AK9: variants seen among roughly 807,000 people sequenced by gnomAD.
AK9 encodes adenylate kinase domain containing 1.
AK9 carries 191 observed loss-of-function variants against 239.6 expected under a neutral mutation model. The ratio of observed to expected loss-of-function variants is 0.80; its 90% CI spans 0.71 to 0.90. The LOEUF is 0.90. AK9 is among the 40% of genes least tolerant of loss of function. The pLI is 0.00. For missense variants in AK9, 1,995 were observed against 2,214.7 expected (o/e 0.90, Z 1.99); for synonymous variants, 689 against 721.0 (o/e 0.96, Z 0.71).
At chr6:109,643,962 T>A (rs1350323064) in intron 9 of AK9, among the ~76,000 whole-genome samples, 1 of 152,204 alleles carries the variant, frequency 6.6e-6, no homozygotes, top group Non-Finnish European at 1.5e-5. Flanking sequence ...AGGTTTTGTC[T>A]TTATGCTATG....
intron 5 of AK9, among the ~76,000 whole-genome samples, chr6:109,667,532 C>T (rs1188050353): frequency 6.6e-5 from 10 of 151,946 alleles, no homozygotes; most frequent in Non-Finnish European, 1.5e-4. Context: ...AGCTATATCT[C>T]CTAATCCTTT....
intron 6 of AK9, among the ~76,000 whole-genome samples, chr6:109,662,308 T>C (rs1329556802): frequency 6.6e-6 from 1 of 152,136 alleles, no homozygotes; most frequent in African/African-American, 2.4e-5. Context: ...AAAGAGATGA[T>C]GTATTAACTG....
intron 25 of AK9, among the ~76,000 whole-genome samples, chr6:109,547,769 G>A: frequency 6.7e-6 from 1 of 148,488 alleles, no homozygotes; most frequent in Non-Finnish European, 1.5e-5. Flanking sequence ...TACAGAATAG[G>A]AGATAAGATT....
intron 17 of AK9, among the ~76,000 whole-genome samples, chr6:109,598,511 G>A (rs1341632379): frequency 4.6e-5 from 7 of 152,078 alleles, no homozygotes; most frequent in Non-Finnish European, 8.8e-5. Flanking sequence ...CTTTGCTATT[G>A]TGAATAGTGC....
chr6:109,610,626 C>A, intron 16 of AK9, 113 bp from the exon 17 acceptor site: 2 of 1,127,342 alleles, frequency 1.8e-6, no homozygotes, highest in Non-Finnish European at 2.5e-6. Context: ...ATTTTCATGT[C>A]ACCGCAGCAC....
At chr6:109,594,902 A>C (rs1363154092) in intron 17 of AK9, among the ~76,000 whole-genome samples, 1 of 152,222 alleles carries the variant, frequency 6.6e-6, no homozygotes, top group Non-Finnish European at 1.5e-5. Context: ...AAACCATAAA[A>C]ATTCTAGAAG....
At chr6:109,583,471 T>A (rs115015075) in intron 19 of AK9, among the ~76,000 whole-genome samples, 79 of 152,260 alleles carry the variant, frequency 5.2e-4, no homozygotes, top group African/African-American at 1.8e-3. Flanking sequence ...CTAACCAACC[T>A]ATAAGGCCTT....
intron 29 of AK9, among the ~76,000 whole-genome samples, chr6:109,523,881 G>T (rs1288164601): frequency 6.6e-6 from 1 of 152,096 alleles, no homozygotes; most frequent in African/African-American, 2.4e-5. Context: ...CAAGTTAATT[G>T]CCTGCTAAAA....
intron 17 of AK9, among the ~76,000 whole-genome samples, chr6:109,590,376 T>C (rs975412856): frequency 6.6e-6 from 1 of 152,218 alleles, no homozygotes; most frequent in Non-Finnish European, 1.5e-5. Context: ...TAGTAGTCAT[T>C]AGTGATCTTT....
chr6:109,604,581 G>T (rs149753067), intron 17 of AK9, among the ~76,000 whole-genome samples: 1 of 152,106 alleles, frequency 6.6e-6, no homozygotes, highest in East Asian at 1.9e-4. Context: ...GTTGCTTCTG[G>T]CATGTTTATC....
intron 17 of AK9, among the ~76,000 whole-genome samples, chr6:109,609,677 C>T (rs1231441161): frequency 2.0e-5 from 3 of 152,134 alleles, no homozygotes; most frequent in South Asian, 4.1e-4. Flanking sequence ...GTTCCATACT[C>T]TAACATCCTA....
chr6:109,509,810 G>C (rs1428921521), intron 32 of AK9, among the ~76,000 whole-genome samples: 1 of 152,134 alleles, frequency 6.6e-6, no homozygotes, highest in Non-Finnish European at 1.5e-5. Context: ...CCTGCCCCTT[G>C]TGAGTTGGTG....
intron 20 of AK9, among the ~76,000 whole-genome samples, chr6:109,574,476 G>A (rs978963470): frequency 2.6e-5 from 4 of 152,146 alleles, no homozygotes; most frequent in African/African-American, 7.2e-5. Context: ...AAACTATAAT[G>A]TGATATGAAA....
chr6:109,662,733 TTATA>T, intron 5 of AK9, 70 bp from the exon 6 acceptor site: 1 of 673,400 alleles, frequency 1.5e-6, no homozygotes, highest in East Asian at 5.0e-5. Flanking sequence ...ATTTATTATA[TTATA>T]TATATATTTA....
rs559463075 is a variant in AK9, at chr6:109,684,013, A to T, written c.-12+7134T>A. ...ACTTCAAACTATACTACAAGGCTAC[A>T]GTAACTAAAACAGCATGGTACTGGT... is the stretch of plus-strand genomic sequence containing the variant. On this transcript the variant is annotated intron_variant, in intron 1 of 40. Transcript: ENST00000424296. 1.3e-4 allele frequency among the ~76,000 whole-genome samples: 20 copies of T among 152,380 alleles called. No individual in the cohort carries two copies. The East Asian group carries it at 3.9e-3, about 29-fold the overall frequency.
intron 8 of AK9, among the ~76,000 whole-genome samples, chr6:109,655,302 C>G (rs556121931): frequency 6.6e-6 from 1 of 152,136 alleles, no homozygotes; most frequent in Admixed American, 6.5e-5. Context: ...ATCAGTGAAG[C>G]TGAACATTTT....
At chr6:109,677,782 CA>C (rs1771981733) in intron 1 of AK9, among the ~76,000 whole-genome samples, 1 of 151,990 alleles carries the variant, frequency 6.6e-6, no homozygotes, top group South Asian at 2.1e-4. Context: ...GACATTTCAT[CA>C]AAGAAGATAT....
At chr6:109,626,932 T>G (rs1383405217) in intron 12 of AK9, among the ~76,000 whole-genome samples, 2 of 152,118 alleles carry the variant, frequency 1.3e-5, no homozygotes, top group Non-Finnish European at 2.9e-5. Context: ...TACACTAAAT[T>G]TATTTAAAAT....
chr6:109,591,021 G>C (rs955303045), intron 17 of AK9, among the ~76,000 whole-genome samples: 8 of 152,152 alleles, frequency 5.3e-5, no homozygotes, highest in African/African-American at 1.9e-4. Context: ...TTCTGTAAAT[G>C]TCTGTTAGGT....
Sources: gnomAD v4.1 joint callset for allele counts (sites outside exome capture counted in the v4.1 genomes callset) on GRCh38, gnomAD v4.1.1 for gene constraint, MANE v1.5 for transcripts, NCBI Gene and HGNC (gene_info 2026-07-23, HGNC 2026-07-21) for gene names.